AGMO: variants seen among roughly 807,000 people sequenced by gnomAD.
The protein encoded by AGMO is glyceryl-ether monooxygenase.
In AGMO, 75 loss-of-function variants were observed where a neutral mutation model predicts 60.2. The observed-to-expected ratio is 1.25, with a 90% CI of 1.03 to 1.51. The LOEUF (loss-of-function observed/expected upper bound fraction) is 1.51. Ranked by LOEUF, AGMO falls within the 40% of genes most tolerant of loss-of-function variation. The pLI is 0.00. For synonymous variants in AGMO, 261 were observed against 177.1 expected (o/e 1.47, Z -3.76); for missense variants, 763 against 525.5 (o/e 1.45, Z -4.42).
At chr7:15,382,261 GC>G (rs1783724333) in intron 10 of AGMO, among the ~76,000 whole-genome samples, 1 of 152,150 alleles carries the variant, frequency 6.6e-6, no homozygotes, top group Non-Finnish European at 1.5e-5. Flanking sequence ...AGGATACATT[GC>G]ATACACAATT....
At chr7:15,209,295 A>G (rs1781518729) in intron 12 of AGMO, among the ~76,000 whole-genome samples, 1 of 152,220 alleles carries the variant, frequency 6.6e-6, no homozygotes, top group Non-Finnish European at 1.5e-5. Flanking sequence ...GCAGAATAGC[A>G]TGCAATACTG....
At chr7:15,436,827 G>T (rs967354404) in intron 3 of AGMO, among the ~76,000 whole-genome samples, 2 of 152,050 alleles carry the variant, frequency 1.3e-5, no homozygotes, top group South Asian at 4.2e-4. Flanking sequence ...CACATCTTTG[G>T]TAACTTCCAT....
chr7:15,539,922 T>C (rs1174149235), intron 3 of AGMO, among the ~76,000 whole-genome samples: 1 of 152,172 alleles, frequency 6.6e-6, no homozygotes, highest in Non-Finnish European at 1.5e-5. Flanking sequence ...AAAACCCTAA[T>C]TTGTTATTCT....
chr7:15,481,229 T>C (rs1462194237), intron 3 of AGMO, among the ~76,000 whole-genome samples: 2 of 152,108 alleles, frequency 1.3e-5, no homozygotes, highest in Non-Finnish European at 1.5e-5. Flanking sequence ...CAAAATGTTT[T>C]ATTGCCAGGA....
chr7:15,236,747 A>AAAAC (rs1055192295), intron 12 of AGMO, among the ~76,000 whole-genome samples: 3 of 152,158 alleles, frequency 2.0e-5, no homozygotes, highest in Middle Eastern at 3.4e-3. Context: ...TGCCTAATTT[A>AAAAC]AAACAAACAA....
chr7:15,318,668 T>G (rs1781014957), intron 12 of AGMO, among the ~76,000 whole-genome samples: 1 of 152,176 alleles, frequency 6.6e-6, no homozygotes. Context: ...GTAGGATCCA[T>G]TTATGAGGAA....
At chr7:15,279,942 G>C (rs1035356023) in intron 12 of AGMO, among the ~76,000 whole-genome samples, 1 of 152,206 alleles carries the variant, frequency 6.6e-6, no homozygotes, top group African/African-American at 2.4e-5. Flanking sequence ...AGTTATTCCT[G>C]ATCCTGCCTC....
chr7:15,324,216 A>G (rs1479200959), intron 12 of AGMO, among the ~76,000 whole-genome samples: 1 of 152,148 alleles, frequency 6.6e-6, no homozygotes, highest in Non-Finnish European at 1.5e-5. Flanking sequence ...ACTTTCACAA[A>G]GAGGCAGTAA....
intron 12 of AGMO, among the ~76,000 whole-genome samples, chr7:15,232,730 A>C (rs1340668884): frequency 6.6e-6 from 1 of 151,744 alleles, no homozygotes; most frequent in Non-Finnish European, 1.5e-5. Flanking sequence ...ACAATTCAAC[A>C]CTTCAGTACT....
the AGMO span, among the ~76,000 whole-genome samples, chr7:15,181,264 A>C: frequency 6.6e-6 from 1 of 152,178 alleles, no homozygotes; most frequent in South Asian, 2.1e-4. Context: ...TTATCACTTC[A>C]TGCTAAGTGT....
rs745987162 is a variant in AGMO, at chr7:15,341,869, A to T, written c.1263+23645T>A. 1.2e-3 allele frequency among the ~76,000 whole-genome samples: 178 copies of T among 152,056 alleles called. 1 individual carries two copies. Among genetic ancestry groups the T allele is most frequent in the Non-Finnish European group, 5.0e-4 (34 of 68,016 alleles). On this transcript the variant is annotated intron_variant, in intron 12 of 12. Coordinates refer to ENST00000342526, the MANE Select transcript of AGMO (RefSeq NM_001004320.2). ...CAGGGGAACTGACCTTTATAAAACC[A>T]TCAGATCTCGTGAGACATATTCACT... is the stretch of plus-strand genomic sequence containing the variant.
intron 12 of AGMO, among the ~76,000 whole-genome samples, chr7:15,293,660 A>G (rs545312896): frequency 3.5e-4 from 54 of 152,316 alleles, no homozygotes; most frequent in African/African-American, 1.2e-3. Context: ...GTGTTCAAAG[A>G]AAGATCAGTA....
chr7:15,553,308 AC>A (rs1785028533), intron 2 of AGMO, among the ~76,000 whole-genome samples: 1 of 151,442 alleles, frequency 6.6e-6, no homozygotes, highest in African/African-American at 2.4e-5. Flanking sequence ...GTACCCTAAA[AC>A]TTAAAGTATA....
chr7:15,356,049 T>C (rs1782518965), intron 12 of AGMO, among the ~76,000 whole-genome samples: 1 of 152,270 alleles, frequency 6.6e-6, no homozygotes, highest in South Asian at 2.1e-4. Context: ...ATTTCCCAAA[T>C]GGACAATAGG....
chr7:15,208,400 C>G (rs1781493403), intron 12 of AGMO, among the ~76,000 whole-genome samples: 1 of 152,160 alleles, frequency 6.6e-6, no homozygotes, highest in South Asian at 2.1e-4. Flanking sequence ...TCCTCTGGTG[C>G]TCACCATGGA....
the AGMO span, among the ~76,000 whole-genome samples, chr7:15,177,859 AAG>A: frequency 6.6e-6 from 1 of 152,142 alleles, no homozygotes; most frequent in Non-Finnish European, 1.5e-5. Flanking sequence ...AAAATCAATA[AAG>A]AGTGTTTACT....
At chr7:15,557,427 C>T (rs1047953360) in intron 2 of AGMO, among the ~76,000 whole-genome samples, 1 of 151,938 alleles carries the variant, frequency 6.6e-6, no homozygotes, top group African/African-American at 2.4e-5. Flanking sequence ...GTTAATCTAA[C>T]CCTCAGCTGT....
At chr7:15,556,287 G>A (rs192889385) in intron 2 of AGMO, among the ~76,000 whole-genome samples, 62 of 146,070 alleles carry the variant, frequency 4.2e-4, no homozygotes, top group Admixed American at 3.9e-3. Flanking sequence ...TTCCATGGCA[G>A]GCATGGCCAG....
At chr7:15,431,133 A>G in intron 3 of AGMO, 25 bp from the exon 4 acceptor site, 1 of 1,540,452 alleles carries the variant, frequency 6.5e-7, no homozygotes, top group Non-Finnish European at 9.0e-7. Context: ...ATTTGCAATG[A>G]GCCATGAGAA....
Sources: allele counts gnomAD v4.1 joint callset (sites outside exome capture counted in the v4.1 genomes callset), GRCh38; gene constraint gnomAD v4.1.1; transcripts MANE v1.5; gene names NCBI Gene and HGNC (gene_info 2026-07-23, HGNC 2026-07-21).